The following RAPGEF6 variants were observed in gnomAD, a reference collection of about 807,000 sequenced individuals.
RAPGEF6 encodes Rap guanine nucleotide exchange factor 6, also known as PDZ domain containing guanine nucleotide exchange factor (GEF) 2.
RAPGEF6 carries 56 observed loss-of-function variants against 171.4 expected under a neutral mutation model. The ratio of observed to expected loss-of-function variants is 0.33; its 90% CI spans 0.26 to 0.41. The LOEUF (loss-of-function observed/expected upper bound fraction) is 0.41, where lower values mean the gene tolerates loss of function less well. Ranked by LOEUF, RAPGEF6 falls within the 10% of genes least tolerant of loss-of-function variation. The pLI, the probability that RAPGEF6 is intolerant of heterozygous loss-of-function variation, is 1.00. For synonymous variants in RAPGEF6, 692 were observed against 650.1 expected, an observed-to-expected ratio of 1.06 and a Z score of -0.98; for missense variants, 1,674 against 1,921.4, an observed-to-expected ratio of 0.87 and a Z score of 2.41.
chr5:131,555,375 T>TG (rs953518716), intron 5 of RAPGEF6, among the ~76,000 whole-genome samples: 2 of 151,064 alleles, frequency 1.3e-5, no homozygotes, highest in African/African-American at 4.9e-5. Context: ...GGAAACACAT[T>TG]TTTTTTCTTA....
chr5:131,446,345 T>G (rs1752688196), intron 22 of RAPGEF6, 138 bp downstream of exon 22: 1 of 764,748 alleles, frequency 1.3e-6, no homozygotes, highest in Non-Finnish European at 2.1e-6. Context: ...ATTAATTGGA[T>G]CACATGATGC....
chr5:131,439,749 G>A (rs558405783), intron 23 of RAPGEF6, 34 bp from the exon 24 acceptor site: 42 of 1,602,730 alleles, frequency 2.6e-5, no homozygotes, highest in Non-Finnish European at 3.4e-5. Context: ...AATAAGCATC[G>A]TTTCACAATT....
chr5:131,534,972 T>C (rs1278792670), intron 6 of RAPGEF6, among the ~76,000 whole-genome samples: 3 of 152,056 alleles, frequency 2.0e-5, no homozygotes, highest in Non-Finnish European at 2.9e-5. Flanking sequence ...AAGAAGGACC[T>C]CAAGCTGGGC....
At position 131,429,044 on chromosome 5, in the gene RAPGEF6, G is replaced by C. The variant is rs764682288; in HGVS notation, c.4638C>G (p.Leu1546=). 6.2e-7 allele frequency: 1 copy of C among 1,614,186 alleles called. No homozygotes were observed. The highest frequency in any genetic ancestry group is 8.5e-7 in the Non-Finnish European group (1 of 1,180,028). The part of the protein sequence containing the change: ...VQRSKMMHNS[L]SRLPPASLSS... ...TGAGAGAAGCTGGTGGCAGTCTAGA[G>C]AGGCTGTTATGCATCATCTTTGACC... Residue 1546 remains leucine, a synonymous_variant, in exon 27 of 28, where the codon CTC becomes CTG. Transcript: ENST00000509018.
intron 1 of RAPGEF6, among the ~76,000 whole-genome samples, chr5:131,625,582 G>A (rs1765863806): frequency 6.6e-6 from 1 of 152,080 alleles, no homozygotes; most frequent in Non-Finnish European, 1.5e-5. Context: ...TTGGGAGGCC[G>A]AGGTGGGTGG....
chr5:131,535,368 T>G (rs1210501316), intron 6 of RAPGEF6, among the ~76,000 whole-genome samples: 3 of 152,194 alleles, frequency 2.0e-5, no homozygotes, highest in Admixed American at 2.0e-4. Context: ...TAGTAATTTA[T>G]CAAATAACTA....
intron 4 of RAPGEF6, among the ~76,000 whole-genome samples, chr5:131,578,615 T>A (rs955608826): frequency 6.6e-6 from 1 of 152,158 alleles, no homozygotes; most frequent in Non-Finnish European, 1.5e-5. Flanking sequence ...CAACTATCCC[T>A]GTTGCCACTC....
chr5:131,496,898 T>C (rs983645856), intron 12 of RAPGEF6, among the ~76,000 whole-genome samples: 4 of 152,160 alleles, frequency 2.6e-5, no homozygotes, highest in Non-Finnish European at 4.4e-5. Flanking sequence ...GGTAACCCTA[T>C]GTTTAACTTT....
rs1191024599 is a variant in RAPGEF6, at chr5:131,461,956, C to T, written c.2613G>A (p.Arg871=). Residue 871 remains arginine, a synonymous_variant, in exon 19 of 28, where the codon AGG becomes AGA. Transcript: ENST00000509018. ...CAATATTACGAAACAAATCAAAGTCCCTCATTGACAGCTGGGTGGCCACCT... is the reference window on the plus strand; with the variant it reads ...CAATATTACGAAACAAATCAAAGTCTCTCATTGACAGCTGGGTGGCCACCT... ...TIEVATQLSM[R]DFDLFRNIEP... The T allele has an allele frequency of 2.5e-6, 4 of 1,614,064 alleles. No individual in the cohort carries two copies. In the Admixed American group the frequency reaches 6.7e-5, roughly 27 times the overall value.
intron 4 of RAPGEF6, among the ~76,000 whole-genome samples, chr5:131,591,681 C>T (rs1259479784): frequency 6.6e-6 from 1 of 152,114 alleles, no homozygotes; most frequent in Non-Finnish European, 1.5e-5. Flanking sequence ...TCCCATTTGT[C>T]AGCCAAGAAA....
intron 22 of RAPGEF6, among the ~76,000 whole-genome samples, chr5:131,444,160 C>T (rs1224220758): frequency 6.6e-6 from 1 of 152,164 alleles, no homozygotes; most frequent in Non-Finnish European, 1.5e-5. Context: ...TGTCTCAACA[C>T]AGCTATAATA....
At chr5:131,498,705 A>G in intron 11 of RAPGEF6, 98 bp from the exon 12 acceptor site, 2 of 1,118,564 alleles carry the variant, frequency 1.8e-6, no homozygotes, top group South Asian at 2.9e-5. Flanking sequence ...ACTCCATTAG[A>G]CAAATCGTCA....
intron 1 of RAPGEF6, among the ~76,000 whole-genome samples, chr5:131,629,408 T>C (rs1329588937): frequency 6.6e-6 from 1 of 151,976 alleles, no homozygotes; most frequent in Non-Finnish European, 1.5e-5. Context: ...TATGAATGAC[T>C]TTGAAGGGTA....
chr5:131,470,537 T>C (rs563825446), intron 17 of RAPGEF6, among the ~76,000 whole-genome samples: 2 of 152,332 alleles, frequency 1.3e-5, no homozygotes, highest in South Asian at 2.1e-4. Context: ...TACAGCCATA[T>C]AAATTATTAA....
rs549525571 is a variant in RAPGEF6 at position 131,434,191 on chromosome 5, T to C, written c.3746-533A>G. ...AAACTATATATACTTACCCCATATA[T>C]TCTGCATATCCCACCTAAGAAGTCT... is the stretch of plus-strand genomic sequence containing the variant. On this transcript the variant is annotated intron_variant, in intron 24 of 27. Coordinates refer to ENST00000509018, the MANE Select transcript of RAPGEF6 (RefSeq NM_016340.6). Among the ~76,000 whole-genome samples, 8 of 152,358 alleles carry C rather than the reference T, an allele frequency of 5.3e-5. No homozygotes were observed. In the South Asian group the frequency reaches 1.7e-3, roughly 32 times the overall value.
intron 1 of RAPGEF6, among the ~76,000 whole-genome samples, chr5:131,610,071 A>G (rs1415172218): frequency 6.6e-6 from 1 of 152,266 alleles, no homozygotes; most frequent in African/African-American, 2.4e-5. Context: ...ATAATGTGAA[A>G]TAATGGAATG....
At chr5:131,594,101 A>G (rs1450057459) in intron 3 of RAPGEF6, among the ~76,000 whole-genome samples, 2 of 152,210 alleles carry the variant, frequency 1.3e-5, no homozygotes, top group African/African-American at 2.4e-5. Context: ...CCAACCAAAA[A>G]TGATTCATGG....
intron 10 of RAPGEF6, 70 bp downstream of exon 10, chr5:131,505,294 A>G: frequency 6.8e-7 from 1 of 1,478,496 alleles, no homozygotes; most frequent in South Asian, 1.2e-5. Context: ...TTTTCTTTTG[A>G]GGAAGACAAA....
At chr5:131,455,773 A>G (rs1363782155) in intron 20 of RAPGEF6, 28 bp downstream of exon 20, 1 of 1,575,732 alleles carries the variant, frequency 6.3e-7, no homozygotes, top group East Asian at 2.2e-5. Context: ...ACCATGTGGT[A>G]AAACATCAAT....
Sources: allele counts gnomAD v4.1 joint callset (sites outside exome capture counted in the v4.1 genomes callset), GRCh38; gene constraint gnomAD v4.1.1; transcripts MANE v1.5; gene names NCBI Gene and HGNC (gene_info 2026-07-23, HGNC 2026-07-21).